Variants in NUAK1 observed in about 807,000 individuals in gnomAD.
NUAK1 encodes NUAK family SNF1-like kinase 1.
NUAK1 carries 26 observed loss-of-function variants against 56.9 expected under a neutral mutation model. The ratio of observed to expected loss-of-function variants is 0.46; its 90% confidence interval spans 0.33 to 0.63. NUAK1 has a LOEUF of 0.63. Ranked by LOEUF, NUAK1 falls within the 30% of genes least tolerant of loss-of-function variation. The probability of loss-of-function intolerance (pLI) is 0.02; values close to 1 mark genes in which losing one functional copy is unlikely to be tolerated. For missense variants in NUAK1, 727 were observed against 876.1 expected (o/e 0.83, Z 2.15); for synonymous variants, 337 against 336.0 (o/e 1.00, Z -0.03).
intron 1 of NUAK1, among the ~76,000 whole-genome samples, chr12:106,125,315 T>C (rs1276339575): frequency 6.6e-6 from 1 of 152,230 alleles, no homozygotes; most frequent in Non-Finnish European, 1.5e-5. Flanking sequence ...ACTGGGATCA[T>C]GAAATTAAGT....
intron 1 of NUAK1, among the ~76,000 whole-genome samples, chr12:106,131,181 T>A (rs944325702): frequency 8.5e-5 from 13 of 152,146 alleles, no homozygotes; most frequent in African/African-American, 3.1e-4. Context: ...TTTTAAGTTA[T>A]TACCAGCTTT....
At chr12:106,115,640 T>C (rs774828558) in intron 1 of NUAK1, among the ~76,000 whole-genome samples, 8 of 152,226 alleles carry the variant, frequency 5.3e-5, no homozygotes, top group Non-Finnish European at 1.0e-4. Context: ...GGGAGGCTTG[T>C]CATCTCCCTC....
At chr12:106,132,169 A>T (rs2033084241) in intron 1 of NUAK1, among the ~76,000 whole-genome samples, 1 of 152,222 alleles carries the variant, frequency 6.6e-6, no homozygotes, top group Non-Finnish European at 1.5e-5. Flanking sequence ...ACAGAAGGGG[A>T]ATTCGTGCAG....
In NUAK1 at chr12:106,065,875, T is replaced by G. The variant is rs1384313602; in HGVS notation, c.*927A>C. On this transcript the variant is annotated 3_prime_UTR_variant, in exon 7 of 7. Transcript: ENST00000261402. ...AAAGATCACAGACCATCTTGTGCCC[T>G]GTCATATATAATAGTTTTGACCTCT... is the stretch of plus-strand genomic sequence containing the variant. 1 of 152,656 alleles carries G rather than the reference T, an allele frequency of 6.6e-6. No individual in the cohort carries two copies. The highest frequency in any genetic ancestry group is 2.4e-5 in the African/African-American group (1 of 41,458). The allele number at this position is 152,656 out of a possible 1,614,324, so 9.5% of individuals were successfully genotyped here.
At chr12:106,107,922 C>T (rs760606558) in intron 1 of NUAK1, among the ~76,000 whole-genome samples, 1 of 152,190 alleles carries the variant, frequency 6.6e-6, no homozygotes, top group Non-Finnish European at 1.5e-5. Flanking sequence ...GTGATTAAAT[C>T]AGCATTTGTG....
chr12:106,071,080 G>A (rs549064633), intron 5 of NUAK1, among the ~76,000 whole-genome samples, 174 bp from the exon 6 acceptor site: 52 of 152,322 alleles, frequency 3.4e-4, no homozygotes, highest in Non-Finnish European at 6.0e-4. Flanking sequence ...AATGCAGCTG[G>A]GACCTGCTAC....
chr12:106,068,005 C>T, intron 6 of NUAK1, 50 bp from the exon 7 acceptor site: 1 of 1,542,056 alleles, frequency 6.5e-7, no homozygotes, highest in Non-Finnish European at 8.8e-7. Context: ...GAGCTTCTGG[C>T]TTTGTGATAG....
At chr12:106,070,624 A>T in intron 6 of NUAK1, 150 bp downstream of exon 6, 1 of 1,017,356 alleles carries the variant, frequency 9.8e-7, no homozygotes, top group South Asian at 1.6e-5. Context: ...CTAATAAGCC[A>T]GTTTTGCCAA....
intron 2 of NUAK1, among the ~76,000 whole-genome samples, chr12:106,087,965 C>G (rs2136463289): frequency 6.6e-6 from 1 of 152,324 alleles, no homozygotes; most frequent in East Asian, 1.9e-4. Context: ...CAGGTCCAGC[C>G]CCTTCTCACT....
chr12:106,080,109 A>G lies in NUAK1; in HGVS notation c.579+3755T>C, dbSNP rs186345341. ...CAGAGCTCTCCCATTCATATCATCAAAGCCCAGAGGCTGACTCTCAGCTGC... is the reference window on the plus strand; with the variant it reads ...CAGAGCTCTCCCATTCATATCATCAGAGCCCAGAGGCTGACTCTCAGCTGC... On this transcript the variant is annotated intron_variant, in intron 4 of 6. Transcript: ENST00000261402. Among the ~76,000 whole-genome samples, 234 of 152,350 alleles carry G rather than the reference A, an allele frequency of 1.5e-3. 1 individual carries two copies. Among genetic ancestry groups the G allele is most frequent in the Admixed American group, 3.9e-3 (59 of 15,304 alleles).
At chr12:106,083,501 G>C (rs1201834251) in intron 4 of NUAK1, among the ~76,000 whole-genome samples, 3 of 152,152 alleles carry the variant, frequency 2.0e-5, no homozygotes. Context: ...TGTAAAGATT[G>C]AATTTAAGTG....
At chr12:106,125,422 G>C (rs940195020) in intron 1 of NUAK1, among the ~76,000 whole-genome samples, 1 of 152,154 alleles carries the variant, frequency 6.6e-6, no homozygotes, top group East Asian at 1.9e-4. Context: ...GAAGTCAGAC[G>C]GTCCAGCCCT....
At chr12:106,135,972 C>T (rs1213513780) in intron 1 of NUAK1, among the ~76,000 whole-genome samples, 2 of 152,208 alleles carry the variant, frequency 1.3e-5, no homozygotes, top group Non-Finnish European at 2.9e-5. Flanking sequence ...TTCCACTTGA[C>T]AATTCCTGTT....
intron 5 of NUAK1, 92 bp downstream of exon 5, chr12:106,072,631 GT>G: frequency 2.1e-6 from 3 of 1,403,714 alleles, no homozygotes; most frequent in Non-Finnish European, 2.0e-6. Context: ...TTTAGGCTCT[GT>G]TTTTTTAAGC....
At chr12:106,118,761 A>C (rs1275139797) in intron 1 of NUAK1, among the ~76,000 whole-genome samples, 2 of 152,228 alleles carry the variant, frequency 1.3e-5, no homozygotes, top group African/African-American at 2.4e-5. Flanking sequence ...GGTTTGAGAC[A>C]CTGCTCTTCT....
intron 4 of NUAK1, among the ~76,000 whole-genome samples, chr12:106,073,203 C>T (rs2032423926): frequency 6.6e-6 from 1 of 152,192 alleles, no homozygotes; most frequent in Admixed American, 6.5e-5. Flanking sequence ...TTCTGATGAA[C>T]ATTAAAGTGT....
intron 1 of NUAK1, among the ~76,000 whole-genome samples, chr12:106,122,589 G>C (rs969033123): frequency 1.3e-5 from 2 of 152,102 alleles, no homozygotes; most frequent in Non-Finnish European, 2.9e-5. Flanking sequence ...GCCCAAATAG[G>C]AGCCCTCCAT....
intron 2 of NUAK1, among the ~76,000 whole-genome samples, chr12:106,093,641 G>A (rs910694961): frequency 7.9e-5 from 12 of 152,198 alleles, no homozygotes; most frequent in African/African-American, 2.2e-4. Flanking sequence ...CACTGGCCAC[G>A]TGACAGCCGA....
intron 1 of NUAK1, among the ~76,000 whole-genome samples, chr12:106,108,912 G>A (rs937799423): frequency 1.3e-5 from 2 of 152,208 alleles, no homozygotes; most frequent in Admixed American, 6.5e-5. Flanking sequence ...GAAAAGGAAA[G>A]TGCCCACATT....
Sources: allele counts gnomAD v4.1 joint callset (sites outside exome capture counted in the v4.1 genomes callset), GRCh38; gene constraint gnomAD v4.1.1; transcripts MANE v1.5; gene names NCBI Gene and HGNC (gene_info 2026-07-23, HGNC 2026-07-21).